CPNE4: variants seen among roughly 807,000 people sequenced by gnomAD.
CPNE4 encodes the protein copine 4.
A neutral mutation model predicts 67.9 loss-of-function variants in CPNE4; 25 were observed. The observed-to-expected ratio is 0.37, with a 90% CI of 0.27 to 0.51. CPNE4 has a LOEUF of 0.51. CPNE4 is among the 20% of genes least tolerant of loss of function. The pLI is 0.93. For synonymous variants in CPNE4, 242 were observed against 244.9 expected (o/e 0.99, Z 0.11); for missense variants, 464 against 690.8 (o/e 0.67, Z 3.68).
intron 15 of CPNE4, among the ~76,000 whole-genome samples, chr3:131,541,036 G>A (rs1184852498): frequency 6.6e-6 from 1 of 152,186 alleles, no homozygotes; most frequent in Non-Finnish European, 1.5e-5. Context: ...CCTGGGGATG[G>A]TATTGTTGGC....
At chr3:131,611,258 G>A (rs1939824974) in intron 7 of CPNE4, among the ~76,000 whole-genome samples, 1 of 152,104 alleles carries the variant, frequency 6.6e-6, no homozygotes, top group Non-Finnish European at 1.5e-5. Flanking sequence ...TGATATGACT[G>A]TGTCATCAAT....
chr3:131,714,976 C>A (rs1420379752), intron 3 of CPNE4, among the ~76,000 whole-genome samples: 1 of 152,138 alleles, frequency 6.6e-6, no homozygotes, highest in Non-Finnish European at 1.5e-5. Flanking sequence ...AGGAGACATA[C>A]ACTGAAGAAC....
At chr3:131,813,235 G>T (rs116677106) in intron 2 of CPNE4, among the ~76,000 whole-genome samples, 5,531 of 151,568 alleles carry the variant, frequency 0.036, 346 homozygotes, top group African/African-American at 0.12. Context: ...AAAATACAAA[G>T]AACAAAATTT....
intron 1 of CPNE4, among the ~76,000 whole-genome samples, chr3:131,977,469 C>T (rs1311910046): frequency 6.6e-6 from 1 of 152,052 alleles, no homozygotes; most frequent in Non-Finnish European, 1.5e-5. Flanking sequence ...AAGTTGCATC[C>T]TATGCTTAAA....
chr3:131,567,941 G>C (rs1165325354), intron 10 of CPNE4, among the ~76,000 whole-genome samples: 1 of 151,948 alleles, frequency 6.6e-6, no homozygotes, highest in Non-Finnish European at 1.5e-5. Flanking sequence ...TTTCAGTCAG[G>C]CCTCTAGGGT....
At chr3:131,880,964 G>C in intron 2 of CPNE4, among the ~76,000 whole-genome samples, 1 of 152,162 alleles carries the variant, frequency 6.6e-6, no homozygotes, top group East Asian at 1.9e-4. Context: ...AGTAGCCTCT[G>C]CCATCTGGGA....
At chr3:131,756,117 G>C (rs2082745659) in intron 2 of CPNE4, among the ~76,000 whole-genome samples, 1 of 152,068 alleles carries the variant, frequency 6.6e-6, no homozygotes, top group African/African-American at 2.4e-5. Flanking sequence ...AAAAGCTTTG[G>C]TGTTTAAAAC....
chr3:131,935,478 C>T (rs2071195245), intron 1 of CPNE4, among the ~76,000 whole-genome samples: 1 of 151,818 alleles, frequency 6.6e-6, no homozygotes, highest in East Asian at 1.9e-4. Context: ...GTAGGAAAGA[C>T]AAATAGAATA....
intron 6 of CPNE4, among the ~76,000 whole-genome samples, chr3:131,671,025 T>A (rs913486447): frequency 6.6e-6 from 1 of 152,176 alleles, no homozygotes; most frequent in South Asian, 2.1e-4. Context: ...TGACCTCGGG[T>A]GATCCACCCA....
chr3:131,940,901 A>T (rs1225028), intron 1 of CPNE4, among the ~76,000 whole-genome samples: 1 of 151,796 alleles, frequency 6.6e-6, no homozygotes, highest in African/African-American at 2.4e-5. Context: ...TGAATATTCA[A>T]AACAGTGCAT....
At chr3:131,966,105 C>A (rs1239397290) in intron 1 of CPNE4, among the ~76,000 whole-genome samples, 3 of 152,180 alleles carry the variant, frequency 2.0e-5, no homozygotes, top group African/African-American at 7.2e-5. Flanking sequence ...AACTGAACAA[C>A]CTACTCCTGA....
At chr3:131,698,399 G>T (rs759613292) in intron 4 of CPNE4, among the ~76,000 whole-genome samples, 1 of 151,886 alleles carries the variant, frequency 6.6e-6, no homozygotes, top group African/African-American at 2.4e-5. Context: ...TGGTTTTGTG[G>T]GCTTTGGGAG....
chr3:131,702,622 G>A (rs1006387591), intron 3 of CPNE4, among the ~76,000 whole-genome samples: 6 of 152,242 alleles, frequency 3.9e-5, no homozygotes, highest in South Asian at 2.1e-4. Flanking sequence ...CAACCCTCTC[G>A]GCCCTATAAT....
At chr3:131,733,454 C>A (rs1560203007) in intron 2 of CPNE4, among the ~76,000 whole-genome samples, 1 of 152,218 alleles carries the variant, frequency 6.6e-6, no homozygotes, top group Non-Finnish European at 1.5e-5. Context: ...TCAAAATGTT[C>A]CAGGCCAGAG....
intron 2 of CPNE4, among the ~76,000 whole-genome samples, chr3:131,745,558 T>C (rs890751476): frequency 6.6e-6 from 1 of 152,178 alleles, no homozygotes; most frequent in African/African-American, 2.4e-5. Context: ...ATGCTTTACA[T>C]TTAAGTCTGT....
intron 1 of CPNE4, among the ~76,000 whole-genome samples, chr3:131,955,429 T>TTTTTTTTTTTTTTTTTTTTC (rs57945572): frequency 1.5e-5 from 2 of 136,650 alleles, no homozygotes; most frequent in Admixed American, 7.3e-5. Flanking sequence ...TTTTTTTTTT[T>TTTTTTTTTTTTTTTTTTTTC]TTTTTGTATG....
chr3:131,955,429 T>TTTTTTTC (rs57945572), intron 1 of CPNE4, among the ~76,000 whole-genome samples: 4 of 136,648 alleles, frequency 2.9e-5, no homozygotes, highest in African/African-American at 1.1e-4. Context: ...TTTTTTTTTT[T>TTTTTTTC]TTTTTGTATG....
chr3:131,738,083 C>T (rs2082279841), intron 2 of CPNE4, among the ~76,000 whole-genome samples: 1 of 152,216 alleles, frequency 6.6e-6, no homozygotes, highest in African/African-American at 2.4e-5. Context: ...AGATGTGTTA[C>T]TCAAGGTACC....
intron 1 of CPNE4, among the ~76,000 whole-genome samples, chr3:132,016,187 C>T (rs2073886304): frequency 6.6e-6 from 1 of 152,200 alleles, no homozygotes; most frequent in Admixed American, 6.5e-5. Flanking sequence ...CTGGATTGAA[C>T]TCAATCATAC....
Sources: allele counts gnomAD v4.1 joint callset (sites outside exome capture counted in the v4.1 genomes callset), GRCh38; gene constraint gnomAD v4.1.1; transcripts MANE v1.5; gene names NCBI Gene and HGNC (gene_info 2026-07-23, HGNC 2026-07-21).